Variants in LTBP2 observed in about 807,000 individuals in gnomAD.
The protein encoded by LTBP2 is latent transforming growth factor beta binding protein 2.
A neutral mutation model predicts 210.6 loss-of-function variants in LTBP2; 103 were observed. That is an observed-to-expected ratio of 0.49 (90% CI 0.42 to 0.58). The LOEUF (loss-of-function observed/expected upper bound fraction) is 0.58. Among genes scored for constraint, LTBP2 ranks in the 20% least tolerant of loss-of-function variants. LTBP2 has a pLI of 0.00. For synonymous variants in LTBP2, 1,007 were observed against 1,015.0 expected, an observed-to-expected ratio of 0.99 and a Z score of 0.15; for missense variants, 2,313 against 2,494.5, an observed-to-expected ratio of 0.93 and a Z score of 1.55.
intron 8 of LTBP2, among the ~76,000 whole-genome samples, chr14:74,545,232 G>A (rs896158511): frequency 4.6e-5 from 7 of 152,146 alleles, no homozygotes; most frequent in African/African-American, 1.7e-4. Context: ...TGCCCTAGAT[G>A]TATGACCTTG....
Position 74,551,163 on chromosome 14 carries a change from G to A in LTBP2, c.1587C>T (p.Ile529=), listed in dbSNP as rs761075181. The A allele has an allele frequency of 1.2e-6, 2 of 1,613,960 alleles. No homozygotes were observed. Among genetic ancestry groups the A allele is most frequent in the Admixed American group, 3.3e-5 (2 of 60,028 alleles). Residue 529 remains isoleucine, a synonymous_variant, in exon 7 of 36, where the codon ATC becomes ATT. Coordinates refer to ENST00000261978, the MANE Select transcript of LTBP2 (RefSeq NM_000428.3). ...PGHSLWDSNN[I]PARSGEPPRP... is the part of the protein sequence containing the mutation. ...GAGGGGGCTCTCCAGACCGAGCAGG[G>A]ATGTTGTTGCTGTCCCAGAGGCTGT...
At chr14:74,591,071 G>A (rs919429576) in intron 2 of LTBP2, among the ~76,000 whole-genome samples, 1 of 152,052 alleles carries the variant, frequency 6.6e-6, no homozygotes, top group African/African-American at 2.4e-5. Flanking sequence ...AAGCCCCTAC[G>A]GCACACCACG....
At chr14:74,578,863 G>T (rs544444773) in intron 3 of LTBP2, among the ~76,000 whole-genome samples, 1 of 152,248 alleles carries the variant, frequency 6.6e-6, no homozygotes, top group African/African-American at 2.4e-5. Context: ...CTTTTTGTTT[G>T]TTTGTTTTCG....
rs1454557435 is a variant in LTBP2 at position 74,501,664 on chromosome 14, C to T, written c.5171-74G>A. On this transcript the variant is annotated intron_variant, in intron 34 of 35. Coordinates refer to ENST00000261978, the MANE Select transcript of LTBP2 (RefSeq NM_000428.3). ...ACTCTCCCTAATGCTGGGACCCTCG[C>T]CCTTCTGGACAAAGGGTGCCCCTGT... is the stretch of plus-strand genomic sequence containing the variant. 5.7e-6 allele frequency: 9 copies of T among 1,590,412 alleles called. No individual in the cohort carries two copies. The East Asian group carries it at 1.6e-4, about 28-fold the overall frequency.
chr14:74,551,394 A>C, intron 6 of LTBP2, 44 bp from the exon 7 acceptor site: 1 of 1,501,212 alleles, frequency 6.7e-7, no homozygotes, highest in Non-Finnish European at 8.9e-7. Context: ...GCAGGGCCCC[A>C]CCCTCATTTC....
intron 3 of LTBP2, among the ~76,000 whole-genome samples, chr14:74,581,809 T>G (rs1256298091): frequency 6.6e-6 from 1 of 151,918 alleles, no homozygotes; most frequent in African/African-American, 2.4e-5. Flanking sequence ...ATGGCAGCCA[T>G]AGAAAACGAA....
At chr14:74,591,290 G>A (rs1233708644) in intron 2 of LTBP2, among the ~76,000 whole-genome samples, 22 of 152,212 alleles carry the variant, frequency 1.4e-4, no homozygotes, top group Admixed American at 1.4e-3. Flanking sequence ...GAGGGTTAGG[G>A]CTGGCAAACT....
chr14:74,508,514 C>T (rs915221370), intron 24 of LTBP2, 90 bp downstream of exon 24: 2 of 1,540,984 alleles, frequency 1.3e-6, no homozygotes, highest in African/African-American at 2.7e-5. Flanking sequence ...CTAGTCTTAG[C>T]CTGTAGCGCC....
At chr14:74,570,386 GC>G (rs1277887024) in intron 3 of LTBP2, among the ~76,000 whole-genome samples, 3 of 152,126 alleles carry the variant, frequency 2.0e-5, no homozygotes, top group African/African-American at 7.2e-5. Context: ...TCGTGGGCCT[GC>G]CCCGACAAGC....
At chr14:74,559,341 G>C (rs1391125649) in intron 3 of LTBP2, among the ~76,000 whole-genome samples, 2 of 152,148 alleles carry the variant, frequency 1.3e-5, no homozygotes, top group African/African-American at 2.4e-5. Flanking sequence ...TACTCTAATG[G>C]GGATTTGGGG....
chr14:74,536,122 C>G, intron 8 of LTBP2, 122 bp from the exon 9 acceptor site: 1 of 804,568 alleles, frequency 1.2e-6, no homozygotes, highest in East Asian at 2.6e-5. Context: ...CCCCAGCCCC[C>G]GAAGCCATCG....
intron 14 of LTBP2, among the ~76,000 whole-genome samples, 158 bp downstream of exon 14, chr14:74,525,917 G>C (rs1397157402): frequency 6.6e-6 from 1 of 152,216 alleles, no homozygotes; most frequent in Non-Finnish European, 1.5e-5. Flanking sequence ...GGTGTATAGA[G>C]AGCTCCCAGA....
rs554570575 is a variant in LTBP2, at chr14:74,585,862, TGGCGACTGTGGTGCGGGC to T, written c.804_821del (p.Pro271_Ala276del). The T allele has an allele frequency of 2.1e-4, 333 of 1,613,680 alleles. No homozygotes were observed. Among genetic ancestry groups the T allele is most frequent in the Middle Eastern group, 3.3e-4 (2 of 6,070 alleles). On this transcript the variant is annotated inframe_deletion, in exon 3 of 36. Coordinates refer to ENST00000261978, the MANE Select transcript of LTBP2 (RefSeq NM_000428.3). ...TGGAGAAGGGGACTTACCCAGCTGG[TGGCGACTGTGGTGCGGGC>T]GGCGACTGTGGTGCTGGCGGCTGTG...
At chr14:74,599,894 C>G (rs935329632) in intron 2 of LTBP2, among the ~76,000 whole-genome samples, 5 of 152,266 alleles carry the variant, frequency 3.3e-5, no homozygotes, top group African/African-American at 1.2e-4. Context: ...TGGCACTAGA[C>G]TTTACTCTTG....
chr14:74,507,842 C>T (rs113120508), intron 25 of LTBP2, 131 bp downstream of exon 25: 1 of 1,267,450 alleles, frequency 7.9e-7, no homozygotes, highest in African/African-American at 1.5e-5. Context: ...AGCCCTGAGT[C>T]TCAATACATA....
chr14:74,576,838 C>T (rs1321623519), intron 3 of LTBP2, among the ~76,000 whole-genome samples: 1 of 152,088 alleles, frequency 6.6e-6, no homozygotes. Flanking sequence ...GAGCAAATAC[C>T]CAAGCCCAGT....
intron 4 of LTBP2, among the ~76,000 whole-genome samples, chr14:74,554,406 A>C (rs2087702604): frequency 6.6e-6 from 1 of 152,080 alleles, no homozygotes; most frequent in Non-Finnish European, 1.5e-5. Context: ...GTCTGAGGTG[A>C]GAGGATCACT....
At chr14:74,532,357 C>A (rs776543476) in intron 10 of LTBP2, 69 bp downstream of exon 10, 9 of 1,602,188 alleles carry the variant, frequency 5.6e-6, no homozygotes, top group Non-Finnish European at 6.8e-6. Context: ...CTGGGCCTGG[C>A]CTGTGGACCT....
chr14:74,564,151 T>A (rs373017170), intron 3 of LTBP2, among the ~76,000 whole-genome samples: 13 of 8,794 alleles, frequency 1.5e-3, no homozygotes, highest in Middle Eastern at 0.083. Flanking sequence ...ATATATATAT[T>A]TATATATATA....
Sources: gnomAD v4.1 joint callset for allele counts (sites outside exome capture counted in the v4.1 genomes callset) on GRCh38, gnomAD v4.1.1 for gene constraint, MANE v1.5 for transcripts, NCBI Gene and HGNC (gene_info 2026-07-23, HGNC 2026-07-21) for gene names.